The following KIAA1549L variants were observed in gnomAD, a reference collection of about 807,000 sequenced individuals.
KIAA1549L encodes the protein UPF0606 protein KIAA1549L.
Under a neutral mutation model 160.7 loss-of-function variants are expected in KIAA1549L, and 88 were observed. The observed-to-expected ratio is 0.55, with a 90% CI of 0.46 to 0.65. The LOEUF (loss-of-function observed/expected upper bound fraction) is 0.65, where lower values mean the gene tolerates loss of function less well. Ranked by LOEUF, KIAA1549L falls within the 30% of genes least tolerant of loss-of-function variation. The probability of loss-of-function intolerance (pLI) is 0.00; values close to 1 mark genes in which losing one functional copy is unlikely to be tolerated. For missense variants in KIAA1549L, 2,258 were observed against 2,437.5 expected (o/e 0.93, Z 1.55); for synonymous variants, 950 against 976.7 (o/e 0.97, Z 0.51).
intron 20 of KIAA1549L, among the ~76,000 whole-genome samples, chr11:33,664,164 A>G (rs1164515515): frequency 6.6e-6 from 1 of 152,198 alleles, no homozygotes; most frequent in African/African-American, 2.4e-5. Flanking sequence ...GGGGAAATCA[A>G]AGTCCCAACT....
chr11:33,439,978 A>G (rs1037465341), intron 1 of KIAA1549L, among the ~76,000 whole-genome samples: 1 of 151,866 alleles, frequency 6.6e-6, no homozygotes, highest in African/African-American at 2.4e-5. Flanking sequence ...TAGTCTATTT[A>G]CGTTGATTAT....
At chr11:33,655,463 C>T in intron 17 of KIAA1549L, among the ~76,000 whole-genome samples, 1 of 152,334 alleles carries the variant, frequency 6.6e-6, no homozygotes, top group African/African-American at 2.4e-5. Context: ...GAAAGTAAAA[C>T]ACAATCAATG....
intron 11 of KIAA1549L, among the ~76,000 whole-genome samples, chr11:33,584,926 G>A (rs1209253095): frequency 6.6e-6 from 1 of 152,220 alleles, no homozygotes; most frequent in East Asian, 1.9e-4. Flanking sequence ...CAGAGCCATT[G>A]GAATGCATGT....
At chr11:33,531,398 A>G (rs549604735) in intron 1 of KIAA1549L, among the ~76,000 whole-genome samples, 1 of 151,988 alleles carries the variant, frequency 6.6e-6, no homozygotes, top group Non-Finnish European at 1.5e-5. Context: ...TTGCTTGAAC[A>G]TGGGAGGCGG....
At chr11:33,539,618 A>G (rs889935358) in intron 1 of KIAA1549L, among the ~76,000 whole-genome samples, 4 of 152,164 alleles carry the variant, frequency 2.6e-5, no homozygotes, top group Middle Eastern at 3.2e-3. Context: ...TCTGTTTTTC[A>G]GTAGCAACTT....
chr11:33,551,722 G>A (rs1446010567), intron 5 of KIAA1549L, among the ~76,000 whole-genome samples: 2 of 152,132 alleles, frequency 1.3e-5, no homozygotes, highest in African/African-American at 4.8e-5. Context: ...AAGAGTGGAG[G>A]AACTCTTAAA....
intron 12 of KIAA1549L, among the ~76,000 whole-genome samples, chr11:33,596,449 C>A (rs550323974): frequency 9.5e-4 from 145 of 152,140 alleles, no homozygotes; most frequent in African/African-American, 3.3e-3. Context: ...CTACAAAAAC[C>A]ATTCAGGCCA....
At chr11:33,625,386 G>A (rs1182982625) in intron 16 of KIAA1549L, among the ~76,000 whole-genome samples, 1 of 152,200 alleles carries the variant, frequency 6.6e-6, no homozygotes, top group African/African-American at 2.4e-5. Flanking sequence ...CAGTCTAAAA[G>A]TGTTCCTATT....
At chr11:33,564,245 G>T (rs933264876) in intron 8 of KIAA1549L, among the ~76,000 whole-genome samples, 5 of 152,214 alleles carry the variant, frequency 3.3e-5, no homozygotes, top group African/African-American at 1.2e-4. Flanking sequence ...CAAAAGGGTA[G>T]AGGATAGGGA....
intron 1 of KIAA1549L, among the ~76,000 whole-genome samples, chr11:33,403,016 C>T (rs1850533943): frequency 6.6e-6 from 1 of 152,144 alleles, no homozygotes; most frequent in Non-Finnish European, 1.5e-5. Context: ...ACACGAGAGG[C>T]AATACTCTTT....
Position 33,435,788 on chromosome 11 carries a change from A to ATG in KIAA1549L, c.238+58900_238+58901insGT, listed in dbSNP as rs1291028468. ...TATATATATATATATATATATATATATATATATATATATATATATATATGT... is the reference window on the plus strand; with the variant it reads ...TATATATATATATATATATATATATATGTATATATATATATATATATATATGT... On this transcript the variant is annotated intron_variant, in intron 1 of 20. Coordinates refer to ENST00000658780, the MANE Select transcript of KIAA1549L (RefSeq NM_012194.3). Among the ~76,000 whole-genome samples, 110 of 26,516 alleles carry ATG rather than the reference A, an allele frequency of 4.1e-3. 6 individuals are homozygous for ATG. The highest frequency in any genetic ancestry group is 0.014 in the African/African-American group (107 of 7,586). 17.4% of individuals were successfully genotyped at this position (26,516 alleles called of 152,430 possible).
intron 1 of KIAA1549L, among the ~76,000 whole-genome samples, chr11:33,398,016 G>A (rs1322723975): frequency 6.8e-6 from 1 of 147,422 alleles, no homozygotes; most frequent in African/African-American, 2.5e-5. Context: ...CTCACCTCCC[G>A]GGTTCAAGAA....
chr11:33,534,302 G>A (rs990242541), intron 1 of KIAA1549L, among the ~76,000 whole-genome samples: 13 of 151,330 alleles, frequency 8.6e-5, no homozygotes, highest in African/African-American at 2.9e-4. Flanking sequence ...GTGTTGGTCA[G>A]GCTGGTCTTG....
chr11:33,445,630 C>T (rs1481396657), intron 1 of KIAA1549L, among the ~76,000 whole-genome samples: 2 of 152,176 alleles, frequency 1.3e-5, no homozygotes. Flanking sequence ...ATGTTGGACT[C>T]AAATTCTTGG....
chr11:33,468,687 G>T (rs1852112225), intron 1 of KIAA1549L, among the ~76,000 whole-genome samples: 1 of 152,176 alleles, frequency 6.6e-6, no homozygotes. Context: ...CTTAGTGAAT[G>T]TTGATTAGCA....
intron 1 of KIAA1549L, among the ~76,000 whole-genome samples, chr11:33,472,957 G>A (rs904212686): frequency 1.3e-5 from 2 of 152,166 alleles, no homozygotes; most frequent in African/African-American, 4.8e-5. Context: ...GTGTGACCAG[G>A]AACATGAGTA....
chr11:33,440,805 A>G (rs1249705509), intron 1 of KIAA1549L, among the ~76,000 whole-genome samples: 1 of 152,228 alleles, frequency 6.6e-6, no homozygotes, highest in African/African-American at 2.4e-5. Context: ...GCTAGTTATA[A>G]GCTCCATCCA....
chr11:33,638,915 C>T (rs1851514264), intron 16 of KIAA1549L, among the ~76,000 whole-genome samples: 1 of 151,996 alleles, frequency 6.6e-6, no homozygotes, highest in South Asian at 2.1e-4. Flanking sequence ...TTTGTGTCTT[C>T]TTTCATTGAG....
chr11:33,560,167 C>T (rs1231440475), intron 7 of KIAA1549L, among the ~76,000 whole-genome samples: 1 of 152,224 alleles, frequency 6.6e-6, no homozygotes, highest in Non-Finnish European at 1.5e-5. Flanking sequence ...TAGTTGCCTT[C>T]GTCCTTTGCA....
Sources: allele counts gnomAD v4.1 joint callset (sites outside exome capture counted in the v4.1 genomes callset), GRCh38; gene constraint gnomAD v4.1.1; transcripts MANE v1.5; gene names NCBI Gene and HGNC (gene_info 2026-07-23, HGNC 2026-07-21).